The following SP3 variants were observed in gnomAD, a reference collection of about 807,000 sequenced individuals.
The protein encoded by SP3 is Sp3 transcription factor.
Under a neutral mutation model 70.3 loss-of-function variants are expected in SP3, and 10 were observed. That is an observed-to-expected ratio of 0.14 (90% confidence interval 0.09 to 0.24). SP3 has a LOEUF of 0.24. SP3 is among the 10% of genes least tolerant of loss of function. The pLI, the probability that SP3 is intolerant of heterozygous loss-of-function variation, is 1.00. For synonymous variants in SP3, 402 were observed against 333.5 expected, an observed-to-expected ratio of 1.21 and a Z score of -2.24; for missense variants, 825 against 914.6, an observed-to-expected ratio of 0.90 and a Z score of 1.26.
chr2:173,900,779 CAA>C lies in SP3; in HGVS notation c.*9160_*9161del, dbSNP rs548973067. On this transcript the variant is annotated 3_prime_UTR_variant, in exon 7 of 7. Transcript: ENST00000310015. ...GCAATAAAGGATGTGTAAGGATTTT[CAA>C]AGAGACAATAATTTATTTTTAAAAA... Among the ~76,000 whole-genome samples, 71 of 152,164 alleles carry C rather than the reference CAA, an allele frequency of 4.7e-4. No homozygotes were observed. The highest frequency in any genetic ancestry group is 1.6e-3 in the African/African-American group (66 of 41,534).
rs1479104198 is a variant in SP3 at position 173,903,985 on chromosome 2, A to C, written c.*5956T>G. Among the ~76,000 whole-genome samples the C allele has an allele frequency of 9.6e-6, 1 of 103,796 alleles. No homozygotes were observed. The highest frequency in any genetic ancestry group is 1.3e-4 in the Admixed American group (1 of 7,780). The allele number at this position is 103,796 out of a possible 152,430, so 68.1% of individuals were successfully genotyped here. On this transcript the variant is annotated 3_prime_UTR_variant, in exon 7 of 7. Coordinates refer to ENST00000310015, the MANE Select transcript of SP3 (RefSeq NM_003111.5). The stretch of plus-strand genomic sequence containing the variant: ...TAGTTTTGAGGAAGACAATTTTTTC[A>C]TGGATGGGGGTCGGGGGGTGGGGAT...
chr2:173,959,685 C>T (rs931662371), intron 3 of SP3, among the ~76,000 whole-genome samples: 7 of 152,070 alleles, frequency 4.6e-5, no homozygotes, highest in African/African-American at 1.7e-4. Flanking sequence ...GCCTGGAAGG[C>T]GGAGATTGCA....
At position 173,907,067 on chromosome 2, in the gene SP3, G is replaced by T. The variant is rs575335069; in HGVS notation, c.*2874C>A. The stretch of plus-strand genomic sequence containing the variant: ...TGCGGTAGGTGTAGCTCCTTTAAAA[G>T]GTTATGTGCTTTTTGGTTGAGTCAC... On this transcript the variant is annotated 3_prime_UTR_variant, in exon 7 of 7. Coordinates refer to ENST00000310015, the MANE Select transcript of SP3 (RefSeq NM_003111.5). 6.6e-6 allele frequency: 1 copy of T among 152,092 alleles called. No individual in the cohort carries two copies. The highest frequency in any genetic ancestry group is 2.4e-5 in the African/African-American group (1 of 41,412). 9.4% of individuals were successfully genotyped at this position (152,092 alleles called of 1,614,324 possible).
rs1411569571 is a variant in SP3 at position 173,954,904 on chromosome 2, T to C, written c.1608A>G (p.Leu536=). ...GACTGTCAGCATTCTCTCCTGGATG[T>C]AGCTGTATACCAGCAGAATCTATAG... ...VNSIDSAGIQ[L]HPGENADSPA... is the part of the protein sequence containing the mutation. The change falls in exon 4 of 7, where the codon CTA becomes CTG. Residue 536 remains leucine, a synonymous_variant. Transcript: ENST00000310015. The C allele has an allele frequency of 1.2e-6, 2 of 1,614,044 alleles. No homozygotes were observed. The highest frequency in any genetic ancestry group is 1.7e-6 in the Non-Finnish European group (2 of 1,179,896).
chr2:173,964,467 C>A lies in SP3; in HGVS notation c.94G>T (p.Glu32Ter). 1 of 710,950 alleles carries A rather than the reference C, an allele frequency of 1.4e-6. No homozygotes were observed. Among genetic ancestry groups the A allele is most frequent in the South Asian group, 1.5e-5 (1 of 67,488 alleles). 44.0% of individuals were successfully genotyped at this position (710,950 alleles called of 1,614,324 possible). Residue 32 changes from glutamate to a stop codon, truncating the protein, a stop_gained, in exon 2 of 7, where the codon GAG becomes TAG. Coordinates refer to ENST00000310015, the MANE Select transcript of SP3 (RefSeq NM_003111.5). LOFTEE classifies it high-confidence loss of function. The part of the protein sequence containing the change: ...GGGGGGGGHG[E>*]YLQQQQQHGN... ...TGCTGTTGCTGCTGCTGCAGATACT[C>A]GCCGTGGCCGCCGCCGCCGCCACCG... is the stretch of plus-strand genomic sequence containing the variant.
chr2:173,911,262 G>C (rs186659277), intron 6 of SP3, among the ~76,000 whole-genome samples: 440 of 151,128 alleles, frequency 2.9e-3, no homozygotes, highest in Middle Eastern at 0.01. Flanking sequence ...TGCAGATGAC[G>C]TAACAGTTTA....
intron 4 of SP3, among the ~76,000 whole-genome samples, chr2:173,928,591 CAATATA>C (rs1046214977): frequency 2.0e-5 from 3 of 150,648 alleles, no homozygotes; most frequent in African/African-American, 7.4e-5. Context: ...GAGTTGGTAT[CAATATA>C]AATAGAAGAA....
chr2:173,954,982 T>C lies in SP3; in HGVS notation c.1530A>G (p.Pro510=). The C allele has an allele frequency of 1.2e-6, 2 of 1,614,158 alleles. No individual in the cohort carries two copies. Among genetic ancestry groups the C allele is most frequent in the Non-Finnish European group, 1.7e-6 (2 of 1,180,008 alleles). ...VAAGGAFTST[P]VSLSTGQLPN... ...GCAACTGACCAGTGCTTAGACTAAC[T>C]GGAGTTGAAGTGAAGGCTCCACCTG... The change falls in exon 4 of 7, where the codon CCA becomes CCG. Residue 510 remains proline (P), a synonymous_variant. Transcript: ENST00000310015.
At chr2:173,949,974 C>A (rs1194148347) in intron 4 of SP3, among the ~76,000 whole-genome samples, 1 of 152,118 alleles carries the variant, frequency 6.6e-6, no homozygotes, top group East Asian at 1.9e-4. Flanking sequence ...TGGAAAGATA[C>A]ATAAATTCAC....
intron 4 of SP3, among the ~76,000 whole-genome samples, chr2:173,919,728 G>A (rs1053061224): frequency 6.6e-6 from 1 of 152,094 alleles, no homozygotes; most frequent in African/African-American, 2.4e-5. Context: ...CAAAGATGTG[G>A]AACAACTGAA....
intron 1 of SP3, chr2:173,964,931 A>G: frequency 1.9e-6 from 1 of 531,576 alleles, no homozygotes; most frequent in Non-Finnish European, 3.2e-6. Flanking sequence ...CTCCCGGCGG[A>G]CCGGGCCGCC....
At chr2:173,956,367 G>A (rs1690893400) in intron 3 of SP3, 135 bp from the exon 4 acceptor site, 2 of 856,742 alleles carry the variant, frequency 2.3e-6, no homozygotes, top group South Asian at 3.7e-5. Context: ...TCAAATACAG[G>A]AGCAGTACTA....
chr2:173,955,861 A>G lies in SP3; in HGVS notation c.651T>C (p.Ser217=), dbSNP rs1166366660. ...IPGSNQTLLA[S]GTPSANIQNL... is the part of the protein sequence containing the mutation. ...TCTGGATGTTAGCAGAAGGTGTTCCAGAGGCAAGTAAGGTTTGATTAGAGC... is the reference window on the plus strand; with the variant it reads ...TCTGGATGTTAGCAGAAGGTGTTCCGGAGGCAAGTAAGGTTTGATTAGAGC... The change falls in exon 4 of 7, where the codon TCT becomes TCC. Residue 217 remains serine (S), a synonymous_variant. Coordinates refer to ENST00000310015, the MANE Select transcript of SP3 (RefSeq NM_003111.5). 1 of 1,614,246 alleles carries G rather than the reference A, an allele frequency of 6.2e-7. No homozygotes were observed. Among genetic ancestry groups the G allele is most frequent in the Admixed American group, 1.7e-5 (1 of 60,022 alleles).
chr2:173,957,437 A>G (rs1690932367), intron 3 of SP3, among the ~76,000 whole-genome samples: 1 of 152,318 alleles, frequency 6.6e-6, no homozygotes, highest in East Asian at 1.9e-4. Flanking sequence ...GTATTAGAAT[A>G]TAAGATTTTC....
rs1041866913 is a variant in SP3, at chr2:173,905,325, C to T, written c.*4616G>A. Among the ~76,000 whole-genome samples, 2 of 152,146 alleles carry T rather than the reference C, an allele frequency of 1.3e-5. No homozygotes were observed. Among genetic ancestry groups the T allele is most frequent in the African/African-American group, 4.8e-5 (2 of 41,434 alleles). ...CTCTACCGTTAAGTCAGGCACTATG[C>T]TGAATGCTTATATTTTAATACAACA... On this transcript the variant is annotated 3_prime_UTR_variant, in exon 7 of 7. Transcript: ENST00000310015.
At chr2:173,910,377 T>C in intron 6 of SP3, 120 bp from the exon 7 acceptor site, 1 of 707,202 alleles carries the variant, frequency 1.4e-6, no homozygotes, top group Non-Finnish European at 2.3e-6. Context: ...AGGGGTCTAT[T>C]AAAATTGTAT....
Position 173,955,005 on chromosome 2 carries a change from C to T in SP3, c.1507G>A (p.Gly503Ser), listed in dbSNP as rs1173942927. 1 of 1,614,068 alleles carries T rather than the reference C, an allele frequency of 6.2e-7. No individual in the cohort carries two copies. The highest frequency in any genetic ancestry group is 2.2e-5 in the East Asian group (1 of 44,902). ...QTLTLGQVAA[G>S]GAFTSTPVSL... ...ACTGGAGTTGAAGTGAAGGCTCCAC[C>T]TGCCGCAACTTGACCAAGTGTGAGG... The change falls in exon 4 of 7, where the codon GGT becomes AGT. Residue 503 changes from glycine (G) to serine (S), a missense_variant. Around this residue, in one of 4 missense-constraint regions of SP3, gnomAD observed 678 missense variants for 651.6 expected, o/e 1.04. Transcript: ENST00000310015.
intron 4 of SP3, among the ~76,000 whole-genome samples, chr2:173,934,967 T>C (rs1248751985): frequency 6.6e-6 from 1 of 152,216 alleles, no homozygotes; most frequent in Admixed American, 6.5e-5. Context: ...TAAAAAAGCA[T>C]CACAAAGAAG....
chr2:173,911,152 G>GTC (rs147215358), intron 6 of SP3, among the ~76,000 whole-genome samples: 13 of 151,810 alleles, frequency 8.6e-5, no homozygotes, highest in African/African-American at 2.4e-4. Flanking sequence ...TCACATCCTA[G>GTC]TCTCTCTCTC....
Sources: allele counts gnomAD v4.1 joint callset (sites outside exome capture counted in the v4.1 genomes callset), GRCh38; gene constraint gnomAD v4.1.1; regional missense constraint gnomAD v4.1.1; transcripts MANE v1.5; gene names NCBI Gene and HGNC (gene_info 2026-07-23, HGNC 2026-07-21).